EMP1: variants seen among roughly 807,000 people sequenced by gnomAD.
The protein encoded by EMP1 is tumor-associated membrane protein.
In EMP1, 5 loss-of-function variants were observed where a neutral mutation model predicts 15.7. The observed-to-expected ratio is 0.32, with a 90% CI of 0.17 to 0.67. EMP1 has a LOEUF of 0.67. Among genes scored for constraint, EMP1 ranks in the 30% least tolerant of loss-of-function variants. The pLI is 0.74. For missense variants in EMP1, 166 were observed against 194.2 expected (o/e 0.85, Z 0.86); for synonymous variants, 78 against 76.7 (o/e 1.02, Z -0.09).
intron 1 of EMP1, chr12:13,199,139 T>C (rs1864040927): frequency 6.6e-6 from 1 of 152,418 alleles, no homozygotes; most frequent in Admixed American, 6.5e-5. Flanking sequence ...AGAACCAACT[T>C]GGAGCAAATC....
intron 1 of EMP1, among the ~76,000 whole-genome samples, chr12:13,204,587 T>C (rs1275462944): frequency 6.6e-6 from 1 of 152,112 alleles, no homozygotes; most frequent in Non-Finnish European, 1.5e-5. Flanking sequence ...CCCTGCGTGG[T>C]GTCTTAGGAA....
intron 1 of EMP1, among the ~76,000 whole-genome samples, chr12:13,199,880 A>G (rs1244382065): frequency 6.6e-6 from 1 of 151,920 alleles, no homozygotes; most frequent in African/African-American, 2.4e-5. Flanking sequence ...CTCATCCTCT[A>G]AACACTTAAC....
rs1864234033 is a variant in EMP1 at position 13,218,542 on chromosome 12, C to G, written c.*3851C>G. 6.6e-6 allele frequency: 1 copy of G among 152,058 alleles called. No homozygotes were observed. Among genetic ancestry groups the G allele is most frequent in the Non-Finnish European group, 1.5e-5 (1 of 68,020 alleles). 9.4% of individuals were successfully genotyped at this position (152,058 alleles called of 1,614,324 possible). A position where few individuals can be genotyped will look rare whatever the true frequency, so the allele number is the denominator to read the frequency against. On this transcript the variant is annotated 3_prime_UTR_variant, in exon 5 of 5. Transcript: ENST00000256951. ...TGGAGTAGATTGTGAGGAGGGGTGACTCACTTTAAAGATGTATCATTTGGA... is the reference window on the plus strand; with the variant it reads ...TGGAGTAGATTGTGAGGAGGGGTGAGTCACTTTAAAGATGTATCATTTGGA...
chr12:13,214,693 G>T lies in EMP1; in HGVS notation c.*2G>T. The T allele has an allele frequency of 1.9e-6, 3 of 1,611,546 alleles. No individual in the cohort carries two copies. The highest frequency in any genetic ancestry group is 2.5e-6 in the Non-Finnish European group (3 of 1,178,972). On this transcript the variant is annotated 3_prime_UTR_variant, in exon 5 of 5. Coordinates refer to ENST00000256951, the MANE Select transcript of EMP1 (RefSeq NM_001423.3). ...TATCTGGTCCTGAGAAAGAAATAAG[G>T]CCGGACGAGTTCATGGGGATCTGGG...
rs1321563094 is a variant in EMP1, at chr12:13,213,711, T to A, written c.206T>A (p.Ile69Asn). The change falls in exon 4 of 5, where the codon ATT becomes AAT. Residue 69 changes from isoleucine (I) to asparagine (N), a missense_variant. Physicochemically the swap from Ile to Asn is moderately radical, Grantham distance 149. Coordinates refer to ENST00000256951, the MANE Select transcript of EMP1 (RefSeq NM_001423.3). ...DALKTVQAFMILSIIFCVIAL... is the reference protein window; with the variant it reads ...DALKTVQAFMNLSIIFCVIAL... The stretch of plus-strand genomic sequence containing the variant: ...CTCAAGACAGTGCAGGCCTTCATGA[T>A]TCTCTCTATCATCTTCTGTGTCATT... 1 of 1,614,222 alleles carries A rather than the reference T, an allele frequency of 6.2e-7. No individual in the cohort carries two copies. The highest frequency in any genetic ancestry group is 1.7e-5 in the Admixed American group (1 of 60,030).
At chr12:13,199,652 C>G (rs1864045913) in intron 1 of EMP1, 1 of 152,204 alleles carries the variant, frequency 6.6e-6, no homozygotes, top group African/African-American at 2.4e-5. Flanking sequence ...CCATCTTGAA[C>G]AGATGGCCAT....
At chr12:13,198,857 T>G (rs1190777981) in intron 1 of EMP1, among the ~76,000 whole-genome samples, 1 of 152,252 alleles carries the variant, frequency 6.6e-6, no homozygotes, top group African/African-American at 2.4e-5. Context: ...CTCTCTGCTC[T>G]TCCTCCAAGA....
At position 13,211,525 on chromosome 12, in the gene EMP1, G is replaced by T; in HGVS notation, c.15G>T (p.Leu5=). MLVL[L]AGIFVVHIAT... is the part of the protein sequence containing the mutation. ...AAAGAGCCAACATGTTGGTATTGCT[G>T]GCTGGTATCTTTGTGGTCCACATCG... The change falls in exon 2 of 5, where the codon CTG becomes CTT. Residue 5 remains leucine, a synonymous_variant. Transcript: ENST00000256951. This position sits in a 1 kb window ranked among gnomAD's most constrained non-coding sequence, Gnocchi z 4.7. The T allele has an allele frequency of 6.2e-7, 1 of 1,611,230 alleles. No homozygotes were observed. The highest frequency in any genetic ancestry group is 8.5e-7 in the Non-Finnish European group (1 of 1,179,096).
chr12:13,207,954 C>T (rs368737652), intron 1 of EMP1, among the ~76,000 whole-genome samples: 288 of 152,320 alleles, frequency 1.9e-3, no homozygotes, highest in African/African-American at 6.7e-3. Context: ...CTGCAAAAAG[C>T]GGGTCTTGCT....
intron 1 of EMP1, among the ~76,000 whole-genome samples, chr12:13,208,387 C>A (rs1864132776): frequency 6.6e-6 from 1 of 152,192 alleles, no homozygotes; most frequent in Non-Finnish European, 1.5e-5. Flanking sequence ...TGATCGCCTC[C>A]TCCCAGACTG....
Position 13,214,850 on chromosome 12 carries a change from C to G in EMP1, c.*159C>G. 3 of 629,896 alleles carry G rather than the reference C, an allele frequency of 4.8e-6. No homozygotes were observed. Among genetic ancestry groups the G allele is most frequent in the South Asian group, 1.9e-5 (1 of 53,370 alleles). The allele number at this position is 629,896 out of a possible 1,614,324, so 39.0% of individuals were successfully genotyped here. A position where few individuals can be genotyped will look rare whatever the true frequency, so the allele number is the denominator to read the frequency against. ...ATCCCAAACCATTACTGAGGGGATT[C>G]TCTACTGCCAAGCCCCTGCCCTGGG... is the stretch of plus-strand genomic sequence containing the variant. On this transcript the variant is annotated 3_prime_UTR_variant, in exon 5 of 5. Transcript: ENST00000256951.
intron 1 of EMP1, among the ~76,000 whole-genome samples, chr12:13,209,969 C>G (rs1317581971): frequency 6.6e-6 from 1 of 152,126 alleles, no homozygotes; most frequent in Non-Finnish European, 1.5e-5. Context: ...AAGGAAGTGG[C>G]CAGATTGGGA....
rs1864243103 is a variant in EMP1, at chr12:13,219,725, TA to T, written c.*5037del. ...GACTTTATGATATTAAGAGATTAAT[TA>T]AACAACAGTGGATGGGGAGGAAGAA... On this transcript the variant is annotated 3_prime_UTR_variant, in exon 5 of 5. Coordinates refer to ENST00000256951, the MANE Select transcript of EMP1 (RefSeq NM_001423.3). 1 of 152,252 alleles carries T rather than the reference TA, an allele frequency of 6.6e-6. No individual in the cohort carries two copies. The highest frequency in any genetic ancestry group is 1.5e-5 in the Non-Finnish European group (1 of 68,034). The allele number at this position is 152,252 out of a possible 1,614,324, so 9.4% of individuals were successfully genotyped here.
At position 13,219,879 on chromosome 12, in the gene EMP1, C is replaced by G. The variant is rs1864244032; in HGVS notation, c.*5188C>G. The G allele has an allele frequency of 2.6e-5, 4 of 152,118 alleles. No individual in the cohort carries two copies. Among genetic ancestry groups the G allele is most frequent in the Admixed American group, 2.6e-4 (4 of 15,262 alleles). The allele number at this position is 152,118 out of a possible 1,614,324, so 9.4% of individuals were successfully genotyped here. ...AGAACTATTTTATTTATGATATGGG[C>G]TAAAAAGACTTCTGTAATCTAGCTT... On this transcript the variant is annotated 3_prime_UTR_variant, in exon 5 of 5. Coordinates refer to ENST00000256951, the MANE Select transcript of EMP1 (RefSeq NM_001423.3).
intron 4 of EMP1, chr12:13,214,269 G>T: frequency 1.7e-6 from 1 of 598,530 alleles, no homozygotes. Flanking sequence ...GGACAGCTGG[G>T]TGGTAGGCAT....
At chr12:13,206,934 TG>T (rs1555140042) in intron 1 of EMP1, among the ~76,000 whole-genome samples, 4 of 16,888 alleles carry the variant, frequency 2.4e-4, no homozygotes, top group African/African-American at 5.0e-4. Context: ...CATTTGTGTG[TG>T]TGTGTGTGTG....
chr12:13,211,083 A>C lies in EMP1; in HGVS notation c.-42-386A>C, dbSNP rs1032784940. ...TGGACATTTATATGACATTGTTCAG[A>C]GACCTGGAAATTATAAAGGCCTACT... On this transcript the variant is annotated intron_variant, in intron 1 of 4. Transcript: ENST00000256951. This position sits in a 1 kb window ranked among gnomAD's most constrained non-coding sequence, Gnocchi z 4.7. 2.6e-5 allele frequency among the ~76,000 whole-genome samples: 4 copies of C among 152,230 alleles called. No individual in the cohort carries two copies. Among genetic ancestry groups the C allele is most frequent in the Non-Finnish European group, 1.5e-5 (1 of 68,042 alleles).
intron 1 of EMP1, among the ~76,000 whole-genome samples, chr12:13,199,026 G>A (rs1261565660): frequency 6.6e-6 from 1 of 152,054 alleles, no homozygotes; most frequent in African/African-American, 2.4e-5. Context: ...GGGCGGGGGC[G>A]GGGGCTGCAG....
At chr12:13,201,892 G>A (rs550620368) in intron 1 of EMP1, among the ~76,000 whole-genome samples, 31 of 152,198 alleles carry the variant, frequency 2.0e-4, no homozygotes, top group African/African-American at 6.7e-4. Context: ...CTCTTCTTGA[G>A]GAGGGAGACC....
Sources: allele counts gnomAD v4.1 joint callset (sites outside exome capture counted in the v4.1 genomes callset), GRCh38; gene constraint gnomAD v4.1.1; non-coding constraint Gnocchi (gnomAD v3.1); transcripts MANE v1.5; gene names NCBI Gene and HGNC (gene_info 2026-07-23, HGNC 2026-07-21).